Variants in STON1 observed in about 807,000 individuals in gnomAD.
STON1 encodes stonin 1.
STON1 carries 79 observed loss-of-function variants against 60.9 expected under a neutral mutation model. That is an observed-to-expected ratio of 1.30 (90% CI 1.08 to 1.56). The LOEUF is 1.56. STON1 is among the 40% of genes most tolerant of loss of function. The pLI is 0.00. For synonymous variants in STON1, 363 were observed against 306.9 expected (o/e 1.18, Z -1.91); for missense variants, 1,166 against 858.9 (o/e 1.36, Z -4.47).
At position 48,545,816 on chromosome 2, in the gene STON1, C is replaced by T. The variant is rs114207418; in HGVS notation, c.-48+15600C>T. Among the ~76,000 whole-genome samples the T allele has an allele frequency of 6.5e-3, 988 of 152,266 alleles. 3 individuals are homozygous for T. Among genetic ancestry groups the T allele is most frequent in the African/African-American group, 8.2e-3 (340 of 41,554 alleles). ...GATGTATGTGGCTCAGGCATTCAGC[C>T]CCCACTTAATGAGCAGCTGCTCTGT... On this transcript the variant is annotated intron_variant, in intron 1 of 3. Coordinates refer to ENST00000404752, the MANE Select transcript of STON1 (RefSeq NM_006873.4).
At position 48,564,664 on chromosome 2, in the gene STON1, A is replaced by C. The variant is rs545134718; in HGVS notation, c.-47-15923A>C. Among the ~76,000 whole-genome samples, 442 of 51,228 alleles carry C rather than the reference A, an allele frequency of 8.6e-3. 64 individuals carry two copies. Among genetic ancestry groups the C allele is most frequent in the African/African-American group, 0.032 (413 of 13,100 alleles). The allele number at this position is 51,228 out of a possible 152,430, so 33.6% of individuals were successfully genotyped here. A position where few individuals can be genotyped will look rare whatever the true frequency, so the allele number is the denominator to read the frequency against. On this transcript the variant is annotated intron_variant, in intron 1 of 3. Coordinates refer to ENST00000404752, the MANE Select transcript of STON1 (RefSeq NM_006873.4). ...CTTCTCCTTCTTCTTCTTCTTTCTT[A>C]TTTCTTCTTCTTCTTCTTCCTTCTT...
intron 1 of STON1, among the ~76,000 whole-genome samples, chr2:48,551,546 T>C (rs1672106152): frequency 6.6e-6 from 1 of 152,244 alleles, no homozygotes; most frequent in Non-Finnish European, 1.5e-5. Context: ...ACCTGCCTGA[T>C]TCTGGGGACG....
intron 3 of STON1, among the ~76,000 whole-genome samples, chr2:48,592,453 A>G (rs939241277): frequency 1.0e-4 from 15 of 150,378 alleles, no homozygotes; most frequent in Admixed American, 9.9e-4. Flanking sequence ...TTTTTTTAAG[A>G]CGGCATCTCA....
At position 48,594,192 on chromosome 2, in the gene STON1, C is replaced by A. The variant is rs141222000; in HGVS notation, c.2134-1036C>A. ...AGTAAACTTTCTGCACACAGATCTCCATCTCAGAGTTTATTTCTTGGGGAA... is the reference window on the plus strand; with the variant it reads ...AGTAAACTTTCTGCACACAGATCTCAATCTCAGAGTTTATTTCTTGGGGAA... On this transcript the variant is annotated intron_variant, in intron 3 of 3. Coordinates refer to ENST00000404752, the MANE Select transcript of STON1 (RefSeq NM_006873.4). Among the ~76,000 whole-genome samples the A allele has an allele frequency of 3.5e-3, 539 of 152,284 alleles. 3 individuals carry two copies. The highest frequency in any genetic ancestry group is 0.012 in the African/African-American group (504 of 41,550).
rs924594046 is a variant in STON1 at position 48,550,423 on chromosome 2, G to T, written c.-48+20207G>T. On this transcript the variant is annotated intron_variant, in intron 1 of 3. Coordinates refer to ENST00000404752, the MANE Select transcript of STON1 (RefSeq NM_006873.4). ...GAGGCAGGAGAATTGCTTGAACCTA[G>T]GAGGCAGAGGTTGTAGTCAGCTGAG... Among the ~76,000 whole-genome samples, 8 of 151,376 alleles carry T rather than the reference G, an allele frequency of 5.3e-5. No homozygotes were observed. The East Asian group carries it at 1.5e-3, about 29-fold the overall frequency.
intron 3 of STON1, among the ~76,000 whole-genome samples, chr2:48,594,138 C>A (rs1041839771): frequency 2.6e-5 from 4 of 152,286 alleles, no homozygotes; most frequent in South Asian, 4.1e-4. Flanking sequence ...CTCACTCCCC[C>A]ATGAATGTTG....
chr2:48,581,922 A>G lies in STON1; in HGVS notation c.1289A>G (p.Glu430Gly). 1.9e-6 allele frequency: 3 copies of G among 1,614,110 alleles called. No individual in the cohort carries two copies. Among genetic ancestry groups the G allele is most frequent in the East Asian group, 2.2e-5 (1 of 44,888 alleles). Residue 430 changes from glutamate to glycine, a missense_variant, in exon 2 of 4, where the codon GAA becomes GGA. By Grantham distance (98) the Glu-to-Gly change is moderately conservative (BLOSUM62 -2). Coordinates refer to ENST00000404752, the MANE Select transcript of STON1 (RefSeq NM_006873.4). ...VDNFWGKVTK[E>G]GKFVESAVIT... is the part of the protein sequence containing the mutation. ...AACTTTTGGGGTAAAGTCACAAAAG[A>G]AGGAAAATTTGTTGAAAGTGCTGTG...
intron 1 of STON1, among the ~76,000 whole-genome samples, chr2:48,562,453 A>T (rs1371299244): frequency 6.6e-6 from 1 of 152,220 alleles, no homozygotes; most frequent in East Asian, 1.9e-4. Flanking sequence ...CATACTTGTG[A>T]CAAGCATTTG....
intron 1 of STON1, among the ~76,000 whole-genome samples, chr2:48,542,479 G>C (rs1046099051): frequency 6.6e-6 from 1 of 152,196 alleles, no homozygotes; most frequent in African/African-American, 2.4e-5. Context: ...AGGTTGTTCT[G>C]AAGATCAAGT....
At chr2:48,575,278 G>T (rs1214879136) in intron 1 of STON1, among the ~76,000 whole-genome samples, 1 of 152,126 alleles carries the variant, frequency 6.6e-6, no homozygotes, top group African/African-American at 2.4e-5. Flanking sequence ...TAACATTTAG[G>T]TTGTTTCCAT....
chr2:48,573,275 A>T (rs1673311186), intron 1 of STON1, among the ~76,000 whole-genome samples: 1 of 152,124 alleles, frequency 6.6e-6, no homozygotes, highest in Non-Finnish European at 1.5e-5. Context: ...AGGCAGGAGG[A>T]TCACTTCAGC....
intron 2 of STON1, among the ~76,000 whole-genome samples, chr2:48,586,177 GA>G (rs149436381): frequency 6.6e-6 from 1 of 152,310 alleles, no homozygotes; most frequent in African/African-American, 2.4e-5. Flanking sequence ...AGCTTTTTGT[GA>G]AAATGATCCT....
chr2:48,574,212 C>T (rs966807215), intron 1 of STON1, among the ~76,000 whole-genome samples: 6 of 151,860 alleles, frequency 4.0e-5, no homozygotes, highest in African/African-American at 1.2e-4. Flanking sequence ...CCTGTTTCTA[C>T]TAAAAGTACA....
chr2:48,580,644 C>A lies in STON1; in HGVS notation c.11C>A (p.Thr4Lys). MCS[T>K]NPGKWVTFDD... ...AATCTGATCCCAAAGATGTGCTCCA[C>A]AAATCCAGGCAAATGGGTCACCTTT... The change falls in exon 2 of 4, where the codon ACA becomes AAA. Residue 4 changes from threonine to lysine, a missense_variant. By Grantham distance (78) the Thr-to-Lys change is moderately conservative. Coordinates refer to ENST00000404752, the MANE Select transcript of STON1 (RefSeq NM_006873.4). The A allele has an allele frequency of 7.3e-7, 1 of 1,368,698 alleles. No individual in the cohort carries two copies. Among genetic ancestry groups the A allele is most frequent in the Non-Finnish European group, 9.5e-7 (1 of 1,054,734 alleles). The allele number at this position is 1,368,698 out of a possible 1,614,324, so 84.8% of individuals were successfully genotyped here.
chr2:48,541,897 G>C (rs950562214), intron 1 of STON1, among the ~76,000 whole-genome samples: 3 of 152,056 alleles, frequency 2.0e-5, no homozygotes, highest in African/African-American at 7.2e-5. Flanking sequence ...CTCTCATCTG[G>C]CCAATGTTTT....
At chr2:48,585,832 C>G (rs1282552759) in intron 2 of STON1, among the ~76,000 whole-genome samples, 2 of 152,252 alleles carry the variant, frequency 1.3e-5, no homozygotes, top group African/African-American at 4.8e-5. Flanking sequence ...GATAAACTAA[C>G]TCCTGTTGTT....
At chr2:48,560,873 T>G (rs564936810) in intron 1 of STON1, among the ~76,000 whole-genome samples, 28 of 152,298 alleles carry the variant, frequency 1.8e-4, no homozygotes, top group African/African-American at 6.5e-4. Context: ...GGCCCTCACT[T>G]TATCCCCACC....
At chr2:48,564,496 T>TTCTTCTTCTTCTTCTTCC (rs1672803323) in intron 1 of STON1, among the ~76,000 whole-genome samples, 1 of 20,812 alleles carries the variant, frequency 4.8e-5, no homozygotes, top group Non-Finnish European at 8.9e-5. Context: ...CTTCTTCTTC[T>TTCTTCTTCTTCTTCTTCC]TCTTCTTCTT....
At chr2:48,530,651 CCCT>C (rs1671172328) in intron 1 of STON1, 1 of 152,946 alleles carries the variant, frequency 6.5e-6, no homozygotes, top group Non-Finnish European at 1.5e-5. Context: ...CTCCCGGACT[CCCT>C]CCTCCTTCTG....
Sources: allele counts gnomAD v4.1 joint callset (sites outside exome capture counted in the v4.1 genomes callset), GRCh38; gene constraint gnomAD v4.1.1; transcripts MANE v1.5; gene names NCBI Gene and HGNC (gene_info 2026-07-23, HGNC 2026-07-21).